Variants in MMRN1 observed in about 807,000 individuals in gnomAD.
The protein encoded by MMRN1 is multimerin-1.
MMRN1 carries 94 observed loss-of-function variants against 100.7 expected under a neutral mutation model. That is an observed-to-expected ratio of 0.93 (90% CI 0.79 to 1.11). MMRN1 has a LOEUF of 1.11. MMRN1 is among the 50% of genes least tolerant of loss of function. MMRN1 has a pLI of 0.00. For missense variants in MMRN1, 1,606 were observed against 1,439.1 expected, an observed-to-expected ratio of 1.12 and a Z score of -1.88; for synonymous variants, 575 against 505.0, an observed-to-expected ratio of 1.14 and a Z score of -1.86.
intron 5 of MMRN1, among the ~76,000 whole-genome samples, chr4:89,929,164 T>C (rs1180864786): frequency 1.3e-5 from 2 of 152,178 alleles, no homozygotes; most frequent in South Asian, 2.1e-4. Flanking sequence ...GTTTATTGTA[T>C]GAAACTTGTC....
chr4:89,951,695 C>A lies in MMRN1; in HGVS notation c.3209C>A (p.Pro1070His), dbSNP rs1578508980. 5 of 1,605,750 alleles carry A rather than the reference C, an allele frequency of 3.1e-6. No individual in the cohort carries two copies. In the East Asian group the frequency reaches 6.8e-5, roughly 22 times the overall value. ...RTSFTCACRHPFTGDNCTIKL... is the reference protein window; with the variant it reads ...RTSFTCACRHHFTGDNCTIKL... The stretch of plus-strand genomic sequence containing the variant: ...AGCTTTACCTGTGCCTGCAGACATC[C>A]TTTTACTGGTGACAACTGCACTATC... Residue 1070 changes from proline (P) to histidine (H), a missense_variant, in exon 7 of 8, where the codon CCT (proline) becomes CAT (histidine). By Grantham distance (77) the Pro-to-His change is moderately conservative (BLOSUM62 -2). Transcript: ENST00000264790.
intron 3 of MMRN1, among the ~76,000 whole-genome samples, chr4:89,919,654 A>C (rs947138232): frequency 2.0e-5 from 3 of 152,014 alleles, no homozygotes; most frequent in African/African-American, 7.2e-5. Flanking sequence ...TTTGCAGAGT[A>C]TCATTACCTA....
chr4:89,937,622 A>G (rs1230134360), intron 6 of MMRN1, among the ~76,000 whole-genome samples: 2 of 152,048 alleles, frequency 1.3e-5, no homozygotes, highest in Non-Finnish European at 2.9e-5. Flanking sequence ...TCTAGGCCTT[A>G]GTTTCTTCCT....
chr4:89,912,056 C>A lies in MMRN1; in HGVS notation c.850+6C>A, dbSNP rs1356001671. 1 of 1,529,420 alleles carries A rather than the reference C, an allele frequency of 6.5e-7. No homozygotes were observed. Among genetic ancestry groups the A allele is most frequent in the East Asian group, 2.3e-5 (1 of 43,834 alleles). 94.7% of individuals were successfully genotyped at this position (1,529,420 alleles called of 1,614,324 possible). On this transcript the variant is annotated splice_donor_region_variant and intron_variant, in intron 3 of 7. Coordinates refer to ENST00000264790, the MANE Select transcript of MMRN1 (RefSeq NM_007351.3). ...GCCGAAATGTCAACTAAGAGGTACA[C>A]TCTAATATTAATAATCACAATTCTG...
intron 1 of MMRN1, 31 bp from the exon 2 acceptor site, chr4:89,909,245 T>C (rs1161978249): frequency 6.4e-7 from 1 of 1,556,786 alleles, no homozygotes; most frequent in East Asian, 2.3e-5. Flanking sequence ...TTGACAACAG[T>C]TTTTTCCCTA....
rs767234178 is a variant in MMRN1 at position 89,895,164 on chromosome 4, A to G, written c.193A>G (p.Ile65Val). Residue 65 changes from isoleucine (I) to valine (V), a missense_variant, in exon 1 of 8, where the codon ATA becomes GTA. Transcript: ENST00000264790. ...LPTTRVMSAE[I>V]ATTPEARTSE... Reference sequence around the variant, plus strand: ...AACCACTCGGGTCATGTCGGCGGAGATAGCTACAACTCCAGAGGCAAGAAC... The same window carrying G: ...AACCACTCGGGTCATGTCGGCGGAGGTAGCTACAACTCCAGAGGCAAGAAC... 20 of 1,613,762 alleles carry G rather than the reference A, an allele frequency of 1.2e-5. No homozygotes were observed. In the Admixed American group the frequency reaches 2.7e-4, roughly 22 times the overall value.
rs1578477343 is a variant in MMRN1, at chr4:89,911,940, C to G, written c.744-4C>G. 6.4e-7 allele frequency: 1 copy of G among 1,557,848 alleles called. No homozygotes were observed. The highest frequency in any genetic ancestry group is 1.4e-5 in the African/African-American group (1 of 73,024). On this transcript the variant is annotated splice_region_variant and splice_polypyrimidine_tract_variant and intron_variant, in intron 2 of 7. Coordinates refer to ENST00000264790, the MANE Select transcript of MMRN1 (RefSeq NM_007351.3). ...GATTTCCCTCCAATTGCTCAACTCT[C>G]TAGATCTCAGAAGATATCCAATCCT...
chr4:89,914,873 C>T (rs979511045), intron 3 of MMRN1, among the ~76,000 whole-genome samples: 1 of 151,440 alleles, frequency 6.6e-6, no homozygotes, highest in Non-Finnish European at 1.5e-5. Context: ...GATTTAAATA[C>T]AAATAGTGTT....
intron 3 of MMRN1, among the ~76,000 whole-genome samples, chr4:89,917,707 G>C (rs3775476): frequency 0.067 from 10,148 of 151,788 alleles, 626 homozygotes; most frequent in East Asian, 0.29. Flanking sequence ...TTAATATAGG[G>C]AACCCTCTCA....
At chr4:89,922,047 C>T (rs1722104113) in intron 3 of MMRN1, among the ~76,000 whole-genome samples, 2 of 151,920 alleles carry the variant, frequency 1.3e-5, no homozygotes, top group African/African-American at 4.8e-5. Flanking sequence ...CAAATTAAAG[C>T]CATATTATTT....
chr4:89,901,197 C>T (rs1226292103), intron 1 of MMRN1, among the ~76,000 whole-genome samples: 1 of 148,602 alleles, frequency 6.7e-6, no homozygotes, highest in African/African-American at 2.5e-5. Flanking sequence ...GAAGCCAAGG[C>T]TAGTCCAGTT....
intron 5 of MMRN1, among the ~76,000 whole-genome samples, chr4:89,931,937 A>T (rs948554633): frequency 2.0e-5 from 3 of 152,072 alleles, no homozygotes; most frequent in Non-Finnish European, 2.9e-5. Context: ...AAAACCAATC[A>T]TGCCTTCCCA....
At chr4:89,937,703 T>C (rs749860821) in intron 6 of MMRN1, among the ~76,000 whole-genome samples, 1 of 152,072 alleles carries the variant, frequency 6.6e-6, no homozygotes, top group Non-Finnish European at 1.5e-5. Context: ...ACTGCTTCAC[T>C]GTAAAAAAAT....
intron 4 of MMRN1, among the ~76,000 whole-genome samples, chr4:89,925,302 ATTTTTTTTTTTTTT>A (rs1176427401): frequency 9.8e-6 from 1 of 101,962 alleles, no homozygotes; most frequent in Non-Finnish European, 1.9e-5. Flanking sequence ...TGCCTGGTTA[ATTTTTTTTTTTTTT>A]TTTTTTTTTT....
Position 89,951,881 on chromosome 4 carries a change from C to T in MMRN1, c.3265+130C>T, listed in dbSNP as rs76758386. ...CACTTGACAATTCCTTTTACTTTTT[C>T]GAAACTTACTGAAGAATGTACCTGA... On this transcript the variant is annotated intron_variant, in intron 7 of 7. Coordinates refer to ENST00000264790, the MANE Select transcript of MMRN1 (RefSeq NM_007351.3). 1,836 of 1,046,872 alleles carry T rather than the reference C, an allele frequency of 1.8e-3. 12 individuals carry two copies. The Middle Eastern group carries it at 0.028, about 16-fold the overall frequency. 64.8% of individuals were successfully genotyped at this position (1,046,872 alleles called of 1,614,324 possible).
chr4:89,935,878 CTAT>C lies in MMRN1; in HGVS notation c.2202_2204del (p.Ile735del), dbSNP rs1236441383. 6.2e-7 allele frequency: 1 copy of C among 1,610,378 alleles called. No homozygotes were observed. On this transcript the variant is annotated inframe_deletion, in exon 6 of 8. Coordinates refer to ENST00000264790, the MANE Select transcript of MMRN1 (RefSeq NM_007351.3). ...GAAGATGGCCTCAATAAGACAATGACTATTATAAATAATGCTATTGATTTCATT... is the reference window on the plus strand; with the variant it reads ...GAAGATGGCCTCAATAAGACAATGACTATAAATAATGCTATTGATTTCATT...
At position 89,935,615 on chromosome 4, in the gene MMRN1, T is replaced by C. The variant is rs1054566478; in HGVS notation, c.1935T>C (p.Asp645=). The change falls in exon 6 of 8, where the codon GAT becomes GAC. Residue 645 remains aspartate (D), a synonymous_variant. Transcript: ENST00000264790. ...MSEQLNDLTY[D]MEILQPLLEQ... ...AGCAACTAAATGATTTGACTTATGA[T>C]ATGGAGATCCTTCAACCCTTGCTTG... 1.2e-6 allele frequency: 2 copies of C among 1,613,426 alleles called. No individual in the cohort carries two copies. Among genetic ancestry groups the C allele is most frequent in the African/African-American group, 1.3e-5 (1 of 74,898 alleles).
intron 1 of MMRN1, among the ~76,000 whole-genome samples, chr4:89,906,815 G>T (rs1284252914): frequency 4.0e-5 from 6 of 151,430 alleles, no homozygotes; most frequent in Non-Finnish European, 1.5e-5. Flanking sequence ...ATCAAAGATT[G>T]CTGGGCCATG....
Position 89,913,952 on chromosome 4 carries a change from G to T in MMRN1, c.850+1902G>T, listed in dbSNP as rs180937089. 1.5e-4 allele frequency among the ~76,000 whole-genome samples: 22 copies of T among 151,440 alleles called. No individual in the cohort carries two copies. The East Asian group carries it at 4.3e-3, about 29-fold the overall frequency. The stretch of plus-strand genomic sequence containing the variant: ...CTAATATAGCTTTGATTCCAAAATA[G>T]CCTCCTGTTGCTCTCTGCTATACTT... On this transcript the variant is annotated intron_variant, in intron 3 of 7. Coordinates refer to ENST00000264790, the MANE Select transcript of MMRN1 (RefSeq NM_007351.3).
Sources: gnomAD v4.1 joint callset for allele counts (sites outside exome capture counted in the v4.1 genomes callset) on GRCh38, gnomAD v4.1.1 for gene constraint, MANE v1.5 for transcripts, NCBI Gene and HGNC (gene_info 2026-07-23, HGNC 2026-07-21) for gene names.